Variants in ACOT13 observed in about 807,000 individuals in gnomAD.
ACOT13 encodes the protein acyl-coenzyme A thioesterase 13.
ACOT13 carries 10 observed loss-of-function variants against 11.8 expected under a neutral mutation model. The ratio of observed to expected loss-of-function variants is 0.85; its 90% CI spans 0.53 to 1.44. The LOEUF (loss-of-function observed/expected upper bound fraction) is 1.44, where lower values mean the gene tolerates loss of function less well. Among genes scored for constraint, ACOT13 ranks in the 40% most tolerant of loss-of-function variants. The pLI is 0.00. For missense variants in ACOT13, 172 were observed against 174.1 expected (o/e 0.99, Z 0.07); for synonymous variants, 53 against 61.0 (o/e 0.87, Z 0.61).
chr6:24,667,198 C>A lies in ACOT13; in HGVS notation c.-66C>A. Reference sequence around the variant, plus strand: ...TGTGTCCTCCTTCTTTCACTAACTTCTGGACTTTCCAGCTCTTCCGAAGTT... The same window carrying A: ...TGTGTCCTCCTTCTTTCACTAACTTATGGACTTTCCAGCTCTTCCGAAGTT... On this transcript the variant is annotated 5_prime_UTR_variant, in exon 1 of 3. In the 5' UTR this introduces an upstream ATG that the reference lacks. Coordinates refer to ENST00000230048, the MANE Select transcript of ACOT13 (RefSeq NM_018473.4). 6.6e-7 allele frequency: 1 copy of A among 1,518,372 alleles called. No homozygotes were observed. The highest frequency in any genetic ancestry group is 9.1e-7 in the Non-Finnish European group (1 of 1,100,266). 94.1% of individuals were successfully genotyped at this position (1,518,372 alleles called of 1,614,324 possible). A position where few individuals can be genotyped will look rare whatever the true frequency, so the allele number is the denominator to read the frequency against.
Position 24,701,547 on chromosome 6 carries a change from G to T in ACOT13, c.355G>T (p.Asp119Tyr). The T allele has an allele frequency of 6.2e-7, 1 of 1,613,900 alleles. No individual in the cohort carries two copies. The highest frequency in any genetic ancestry group is 8.5e-7 in the Non-Finnish European group (1 of 1,179,896). ...QGKTLAFTSV[D>Y]LTNKATGKLI... ...AAAAACACTTGCATTTACCTCTGTG[G>T]ATCTGACCAACAAGGCCACAGGAAA... Residue 119 changes from aspartate (D) to tyrosine (Y), a missense_variant, in exon 3 of 3, where the codon GAT becomes TAT. Transcript: ENST00000230048.
In ACOT13 at chr6:24,667,351, G is replaced by C. The variant is rs1200352416; in HGVS notation, c.81+7G>C. On this transcript the variant is annotated splice_region_variant and intron_variant, in intron 1 of 2. Transcript: ENST00000230048. ...TGAGAGAGTTTTGGGAAAGGTATGG[G>C]AAAGGTAGGGGAGAAGCCGTGGCTT... 6.2e-7 allele frequency: 1 copy of C among 1,613,782 alleles called. No homozygotes were observed. The highest frequency in any genetic ancestry group is 1.3e-5 in the African/African-American group (1 of 75,050).
At chr6:24,675,521 A>G (rs1238384679) in intron 1 of ACOT13, among the ~76,000 whole-genome samples, 1 of 152,186 alleles carries the variant, frequency 6.6e-6, no homozygotes, top group Non-Finnish European at 1.5e-5. Flanking sequence ...GGCTGCATAA[A>G]TGTCTTATTT....
Position 24,703,009 on chromosome 6 carries a change from C to G in ACOT13, c.*1394C>G, listed in dbSNP as rs1030280412. On this transcript the variant is annotated 3_prime_UTR_variant, in exon 3 of 3. Coordinates refer to ENST00000230048, the MANE Select transcript of ACOT13 (RefSeq NM_018473.4). Reference sequence around the variant, plus strand: ...TCAAGACATTCTTCCACCTCAGTCTCCTGAGTAGCTGGAACTACAGGCGTG... The same window carrying G: ...TCAAGACATTCTTCCACCTCAGTCTGCTGAGTAGCTGGAACTACAGGCGTG... 2 of 152,270 alleles carry G rather than the reference C, an allele frequency of 1.3e-5. No homozygotes were observed. Among genetic ancestry groups the G allele is most frequent in the Non-Finnish European group, 2.9e-5 (2 of 68,084 alleles). The allele number at this position is 152,270 out of a possible 1,614,324, so 9.4% of individuals were successfully genotyped here. A position where few individuals can be genotyped will look rare whatever the true frequency, so the allele number is the denominator to read the frequency against.
Position 24,667,326 on chromosome 6 carries a change from TGA to T in ACOT13, c.69_70del (p.Arg23SerfsTer18), listed in dbSNP as rs1240183313. On this transcript the variant is annotated frameshift_variant, in exon 1 of 3. Coordinates refer to ENST00000230048, the MANE Select transcript of ACOT13 (RefSeq NM_018473.4). LOFTEE classifies it high-confidence loss of function. The part of the protein sequence containing the change: ...IKAMTKARNF[E>X]RVLGKITLVS... The stretch of plus-strand genomic sequence containing the variant: ...AGGCCATGACCAAGGCTCGCAATTT[TGA>T]GAGAGTTTTGGGAAAGGTATGGGAA... 4 of 1,614,178 alleles carry T rather than the reference TGA, an allele frequency of 2.5e-6. No homozygotes were observed. Among genetic ancestry groups the T allele is most frequent in the East Asian group, 2.2e-5 (1 of 44,888 alleles).
intron 1 of ACOT13, among the ~76,000 whole-genome samples, chr6:24,671,807 C>G (rs774010987): frequency 4.6e-5 from 7 of 152,182 alleles, no homozygotes; most frequent in Non-Finnish European, 8.8e-5. Context: ...TACCTCTCCT[C>G]TGTAGCACAC....
intron 1 of ACOT13, chr6:24,687,814 T>A: frequency 2.0e-6 from 2 of 1,014,272 alleles, no homozygotes; most frequent in Non-Finnish European, 2.8e-6. Context: ...CAGGTTCAAG[T>A]ATTTCTCCTG....
rs1778924826 is a variant in ACOT13, at chr6:24,703,183, AC to A, written c.*1569del. 1 of 152,224 alleles carries A rather than the reference AC, an allele frequency of 6.6e-6. No individual in the cohort carries two copies. 9.4% of individuals were successfully genotyped at this position (152,224 alleles called of 1,614,324 possible). A position where few individuals can be genotyped will look rare whatever the true frequency, so the allele number is the denominator to read the frequency against. The stretch of plus-strand genomic sequence containing the variant: ...GAACCACTGCACCCAGCTGACTCTT[AC>A]TTGATTTCTGTCAGGGAATCTTAAT... On this transcript the variant is annotated 3_prime_UTR_variant, in exon 3 of 3. Coordinates refer to ENST00000230048, the MANE Select transcript of ACOT13 (RefSeq NM_018473.4).
At chr6:24,682,954 G>C (rs1778577205) in intron 1 of ACOT13, among the ~76,000 whole-genome samples, 1 of 152,148 alleles carries the variant, frequency 6.6e-6, no homozygotes, top group Non-Finnish European at 1.5e-5. Context: ...TCCTGTTTTT[G>C]CCTAATTAGC....
chr6:24,679,029 T>G (rs1266794954), intron 1 of ACOT13, among the ~76,000 whole-genome samples: 1 of 152,234 alleles, frequency 6.6e-6, no homozygotes, highest in African/African-American at 2.4e-5. Flanking sequence ...CCTGGGGCAA[T>G]GGGCCTTCCA....
intron 1 of ACOT13, among the ~76,000 whole-genome samples, chr6:24,677,335 G>A (rs184982390): frequency 6.6e-6 from 1 of 152,352 alleles, no homozygotes; most frequent in East Asian, 1.9e-4. Context: ...TGATATTTAA[G>A]TAAACGGTTG....
In ACOT13 at chr6:24,667,112, C is replaced by A. The variant is rs550027190; in HGVS notation, c.-152C>A. The A allele has an allele frequency of 1.1e-5, 10 of 879,342 alleles. No individual in the cohort carries two copies. The highest frequency in any genetic ancestry group is 1.7e-5 in the African/African-American group (1 of 59,308). The allele number at this position is 879,342 out of a possible 1,614,324, so 54.5% of individuals were successfully genotyped here. A position where few individuals can be genotyped will look rare whatever the true frequency, so the allele number is the denominator to read the frequency against. On this transcript the variant is annotated 5_prime_UTR_variant, in exon 1 of 3. Transcript: ENST00000230048. ...TCGCGGACCACCGGGGCTGCCAGCT[C>A]GCCTGACTCCCGGCCTCTTGCGCTC... is the stretch of plus-strand genomic sequence containing the variant.
rs1418778709 is a variant in ACOT13 at position 24,701,822 on chromosome 6, T to C, written c.*207T>C. 7 of 464,370 alleles carry C rather than the reference T, an allele frequency of 1.5e-5. No individual in the cohort carries two copies. The East Asian group carries it at 1.8e-4, about 12-fold the overall frequency. 28.8% of individuals were successfully genotyped at this position (464,370 alleles called of 1,614,324 possible). On this transcript the variant is annotated 3_prime_UTR_variant, in exon 3 of 3. Transcript: ENST00000230048. ...CTTGTTTTCTAATCATGTGTGATAA[T>C]TGGGTGAAAAATTCTTAGCTCAAAG...
rs184517068 is a variant in ACOT13, at chr6:24,703,706, G to C, written c.*2091G>C. On this transcript the variant is annotated 3_prime_UTR_variant, in exon 3 of 3. Transcript: ENST00000230048. ...GTTTTAGTCTGGAAAGAATCGCCAA[G>C]GGAGCTCCTGATAAAGGAACAGGGT... 1.5e-4 allele frequency: 23 copies of C among 152,310 alleles called. No individual in the cohort carries two copies. Among genetic ancestry groups the C allele is most frequent in the African/African-American group, 4.3e-4 (18 of 41,552 alleles). 9.4% of individuals were successfully genotyped at this position (152,310 alleles called of 1,614,324 possible).
chr6:24,682,860 C>T (rs2127624267), intron 1 of ACOT13, among the ~76,000 whole-genome samples: 1 of 152,320 alleles, frequency 6.6e-6, no homozygotes, highest in East Asian at 1.9e-4. Flanking sequence ...TTGCTGTTGC[C>T]AGCTTGAACG....
Position 24,704,731 on chromosome 6 carries a change from G to C in ACOT13, c.*3116G>C, listed in dbSNP as rs946132819. 1 of 152,138 alleles carries C rather than the reference G, an allele frequency of 6.6e-6. No homozygotes were observed. The highest frequency in any genetic ancestry group is 1.5e-5 in the Non-Finnish European group (1 of 68,012). The allele number at this position is 152,138 out of a possible 1,614,324, so 9.4% of individuals were successfully genotyped here. A position where few individuals can be genotyped will look rare whatever the true frequency, so the allele number is the denominator to read the frequency against. On this transcript the variant is annotated 3_prime_UTR_variant, in exon 3 of 3. Transcript: ENST00000230048. The stretch of plus-strand genomic sequence containing the variant: ...CAGTATGTTCTTGATTCCTGTTCTT[G>C]TTGAAGTTACACACTCAATTGCCAG...
At chr6:24,677,147 T>C (rs971516701) in intron 1 of ACOT13, among the ~76,000 whole-genome samples, 1 of 152,140 alleles carries the variant, frequency 6.6e-6, no homozygotes, top group Non-Finnish European at 1.5e-5. Context: ...AGTATACAAG[T>C]TGAGGTTGGG....
intron 1 of ACOT13, among the ~76,000 whole-genome samples, chr6:24,678,622 C>T (rs1778495316): frequency 6.6e-6 from 1 of 152,178 alleles, no homozygotes; most frequent in Non-Finnish European, 1.5e-5. Context: ...ATTCCTTCCT[C>T]AAGCAGGGGA....
chr6:24,677,810 C>T (rs1001579764), intron 1 of ACOT13, among the ~76,000 whole-genome samples: 1 of 152,152 alleles, frequency 6.6e-6, no homozygotes, highest in African/African-American at 2.4e-5. Flanking sequence ...GCCAAGGAAC[C>T]CTCTTAGTTG....
Sources: allele counts gnomAD v4.1 joint callset (sites outside exome capture counted in the v4.1 genomes callset), GRCh38; gene constraint gnomAD v4.1.1; transcripts MANE v1.5; gene names NCBI Gene and HGNC (gene_info 2026-07-23, HGNC 2026-07-21).